Variants in XIRP2 observed in about 807,000 individuals in gnomAD.
XIRP2 encodes the protein xin actin-binding repeat-containing protein 2.
A neutral mutation model predicts 277.0 loss-of-function variants in XIRP2; 236 were observed. The observed-to-expected ratio is 0.85, with a 90% confidence interval of 0.77 to 0.95. The LOEUF (loss-of-function observed/expected upper bound fraction) is 0.95. Ranked by LOEUF, XIRP2 falls within the 40% of genes least tolerant of loss-of-function variation. The probability of loss-of-function intolerance (pLI) is 0.00; values close to 1 mark genes in which losing one functional copy is unlikely to be tolerated. For missense variants in XIRP2, 4,640 were observed against 4,157.5 expected, an observed-to-expected ratio of 1.12 and a Z score of -3.19; for synonymous variants, 1,490 against 1,416.5, an observed-to-expected ratio of 1.05 and a Z score of -1.17.
At chr2:167,169,178 G>A (rs983221392) in intron 3 of XIRP2, among the ~76,000 whole-genome samples, 5 of 152,074 alleles carry the variant, frequency 3.3e-5, no homozygotes, top group African/African-American at 7.2e-5. Context: ...TCTCCTTGAC[G>A]GCAAACTCTG....
chr2:167,080,870 G>T (rs1460692448), intron 2 of XIRP2, among the ~76,000 whole-genome samples: 1 of 152,010 alleles, frequency 6.6e-6, no homozygotes, highest in Non-Finnish European at 1.5e-5. Context: ...GTTTAAGGTT[G>T]CATTGAGAAA....
chr2:167,029,091 A>G (rs1245929965), intron 2 of XIRP2, among the ~76,000 whole-genome samples: 1 of 152,016 alleles, frequency 6.6e-6, no homozygotes, highest in African/African-American at 2.4e-5. Context: ...TCAAAAGGGC[A>G]AACCTATGAC....
intron 5 of XIRP2, among the ~76,000 whole-genome samples, chr2:167,223,162 T>C (rs2105406755): frequency 6.6e-6 from 1 of 152,298 alleles, no homozygotes; most frequent in East Asian, 1.9e-4. Flanking sequence ...AGGAGCTCTT[T>C]GTGTATTATT....
At chr2:167,231,788 T>C (rs1694766050) in intron 5 of XIRP2, among the ~76,000 whole-genome samples, 1 of 151,970 alleles carries the variant, frequency 6.6e-6, no homozygotes, top group South Asian at 2.1e-4. Flanking sequence ...CAATCAATTT[T>C]GATAATGGCT....
chr2:166,910,237 G>A (rs1419935328), intron 2 of XIRP2, among the ~76,000 whole-genome samples: 2 of 152,094 alleles, frequency 1.3e-5, no homozygotes, highest in African/African-American at 4.8e-5. Flanking sequence ...GAATCAGTCT[G>A]GTCCTGGACT....
At chr2:167,140,428 T>C (rs903260244) in intron 3 of XIRP2, among the ~76,000 whole-genome samples, 17 of 152,204 alleles carry the variant, frequency 1.1e-4, no homozygotes, top group Admixed American at 2.0e-4. Flanking sequence ...CAGGGCTTCT[T>C]TGGAAACTTC....
chr2:167,042,170 A>G (rs1688674364), intron 2 of XIRP2, among the ~76,000 whole-genome samples: 1 of 152,230 alleles, frequency 6.6e-6, no homozygotes, highest in African/African-American at 2.4e-5. Context: ...GACCTGCCTT[A>G]CAACAGTTCC....
In XIRP2 at chr2:167,045,454, G is replaced by A. The variant is rs541201070; in HGVS notation, c.409-90455G>A. Among the ~76,000 whole-genome samples the A allele has an allele frequency of 9.2e-5, 14 of 152,144 alleles. No individual in the cohort carries two copies. The East Asian group carries it at 9.6e-4, about 10-fold the overall frequency. ...CACAGCAAAAGAAACTATCATGACC[G>A]AGTAAACAGACAACCTATTGAATGG... On this transcript the variant is annotated intron_variant, in intron 2 of 10. Transcript: ENST00000409195.
chr2:166,906,328 G>A (rs894391846), intron 2 of XIRP2, among the ~76,000 whole-genome samples: 1 of 151,782 alleles, frequency 6.6e-6, no homozygotes, highest in Non-Finnish European at 1.5e-5. Flanking sequence ...ATGGAATATC[G>A]TGTATATGTA....
chr2:167,067,949 A>T (rs1689339751), intron 2 of XIRP2, among the ~76,000 whole-genome samples: 1 of 152,174 alleles, frequency 6.6e-6, no homozygotes, highest in African/African-American at 2.4e-5. Context: ...AAGACTTGGA[A>T]AGTCTTTCTG....
At position 167,188,743 on chromosome 2, in the gene XIRP2, C is replaced by T. The variant is rs72884671; in HGVS notation, c.563-21992C>T. On this transcript the variant is annotated intron_variant, in intron 3 of 10. Transcript: ENST00000409195. ...CTAGGTCCATTTCTAAAAGTCAGTC[C>T]GCATTTCAGATGCCTGCACTATGGC... 9.4e-3 allele frequency among the ~76,000 whole-genome samples: 1,430 copies of T among 152,254 alleles called. 8 individuals carry two copies. Among genetic ancestry groups the T allele is most frequent in the Middle Eastern group, 0.014 (4 of 294 alleles).
At chr2:166,974,866 GC>G (rs1686670324) in intron 2 of XIRP2, among the ~76,000 whole-genome samples, 1 of 151,950 alleles carries the variant, frequency 6.6e-6, no homozygotes, top group Non-Finnish European at 1.5e-5. Context: ...TAAAAAGCAA[GC>G]CCCAACTATG....
intron 1 of XIRP2, among the ~76,000 whole-genome samples, chr2:166,894,868 G>T (rs1368672351): frequency 6.6e-6 from 1 of 152,152 alleles, no homozygotes; most frequent in Non-Finnish European, 1.5e-5. Flanking sequence ...AACATATTTT[G>T]AGGGTGCTAA....
At chr2:167,224,012 C>T (rs979466352) in intron 5 of XIRP2, among the ~76,000 whole-genome samples, 6 of 152,070 alleles carry the variant, frequency 3.9e-5, no homozygotes, top group African/African-American at 1.4e-4. Context: ...CTTTCATTCC[C>T]GGAGGATGAA....
intron 2 of XIRP2, among the ~76,000 whole-genome samples, chr2:167,056,436 T>A (rs1689040027): frequency 6.6e-6 from 1 of 152,194 alleles, no homozygotes; most frequent in Non-Finnish European, 1.5e-5. Flanking sequence ...TCTGTTTAAA[T>A]TGATTGCACG....
At chr2:167,020,548 A>G (rs1364089981) in intron 2 of XIRP2, among the ~76,000 whole-genome samples, 4 of 151,990 alleles carry the variant, frequency 2.6e-5, no homozygotes, top group African/African-American at 7.2e-5. Context: ...TATGATCAGT[A>G]CTCATTACAG....
At chr2:167,087,293 T>C (rs2105270373) in intron 2 of XIRP2, among the ~76,000 whole-genome samples, 1 of 152,334 alleles carries the variant, frequency 6.6e-6, no homozygotes, top group African/African-American at 2.4e-5. Context: ...GGAGGCAGTC[T>C]GCCCGTTCTC....
chr2:166,975,136 A>G (rs7574736), intron 2 of XIRP2, among the ~76,000 whole-genome samples: 94,935 of 151,902 alleles, frequency 0.62, 32,572 homozygotes, highest in African/African-American at 0.89. Flanking sequence ...CTAATAAAAG[A>G]ACTTTAAAAT....
chr2:166,945,066 G>A (rs1022087031), intron 2 of XIRP2, among the ~76,000 whole-genome samples: 10 of 152,022 alleles, frequency 6.6e-5, no homozygotes, highest in African/African-American at 2.2e-4. Context: ...TCCTTACCAG[G>A]CCTCTCAGTC....
Sources: allele counts gnomAD v4.1 joint callset (sites outside exome capture counted in the v4.1 genomes callset), GRCh38; gene constraint gnomAD v4.1.1; transcripts MANE v1.5; gene names NCBI Gene and HGNC (gene_info 2026-07-23, HGNC 2026-07-21).